The following CFAP46 variants were observed in gnomAD, a reference collection of about 807,000 sequenced individuals.
The protein encoded by CFAP46 is cilia and flagella associated protein 46.
A neutral mutation model predicts 325.7 loss-of-function variants in CFAP46; 245 were observed. The observed-to-expected ratio is 0.75, with a 90% CI of 0.68 to 0.84. The LOEUF is 0.84. Ranked by LOEUF, CFAP46 falls within the 40% of genes least tolerant of loss-of-function variation. The probability of loss-of-function intolerance (pLI) is 0.00; values close to 1 mark genes in which losing one functional copy is unlikely to be tolerated. For missense variants in CFAP46, 3,346 were observed against 3,543.0 expected (o/e 0.94, Z 1.41); for synonymous variants, 1,523 against 1,495.9 (o/e 1.02, Z -0.42).
At chr10:132,823,928 CTGATGTGTGCTGTGTGTGCAG>C (rs1265682603) in intron 50 of CFAP46, among the ~76,000 whole-genome samples, 3 of 126,484 alleles carry the variant, frequency 2.4e-5, no homozygotes, top group Admixed American at 8.1e-5. Context: ...TGTGTGTGTG[CTGATGTGTGCTGTGTGTGCAG>C]TGATGTGTGC....
chr10:132,885,057 T>G, intron 27 of CFAP46, 46 bp downstream of exon 27: 2 of 1,512,686 alleles, frequency 1.3e-6, no homozygotes, highest in Non-Finnish European at 1.8e-6. Context: ...TCCCTTTCAC[T>G]AAAGGACAAA....
intron 50 of CFAP46, among the ~76,000 whole-genome samples, chr10:132,822,793 G>GTGTGTGCAGTGATGTGTGCTA (rs1847901175): frequency 7.5e-6 from 1 of 133,182 alleles, no homozygotes; most frequent in Non-Finnish European, 1.6e-5. Flanking sequence ...TGTGTGTGCT[G>GTGTGTGCAGTGATGTGTGCTA]TGTGTGTGCT....
chr10:132,881,178 G>C, intron 27 of CFAP46, 146 bp from the exon 28 acceptor site: 1 of 752,006 alleles, frequency 1.3e-6, no homozygotes, highest in Non-Finnish European at 2.1e-6. Context: ...CCTCTAATGA[G>C]ACCAAGTTGC....
intron 16 of CFAP46, among the ~76,000 whole-genome samples, chr10:132,917,821 T>C (rs1334519235): frequency 6.6e-6 from 1 of 152,138 alleles, no homozygotes; most frequent in Non-Finnish European, 1.5e-5. Flanking sequence ...CAGCAGGTTG[T>C]GTGGATGCAG....
chr10:132,888,038 T>A, intron 25 of CFAP46, among the ~76,000 whole-genome samples: 1 of 112,736 alleles, frequency 8.9e-6, no homozygotes, highest in South Asian at 3.2e-4. Context: ...TCCCCTCTTC[T>A]CTCTCTCCTC....
chr10:132,833,730 T>C (rs1848190218), intron 49 of CFAP46, among the ~76,000 whole-genome samples: 1 of 152,172 alleles, frequency 6.6e-6, no homozygotes, highest in Non-Finnish European at 1.5e-5. Context: ...ACGATTCTTT[T>C]TGTTAGCAAG....
rs1329781947 is a variant in CFAP46 at position 132,832,308 on chromosome 10, C to T, written c.7117+1050G>A. Among the ~76,000 whole-genome samples the T allele has an allele frequency of 2.0e-5, 3 of 151,958 alleles. No homozygotes were observed. Among genetic ancestry groups the T allele is most frequent in the African/African-American group, 4.8e-5 (2 of 41,402 alleles). ...TGCAGCTCTCTCCTTCCAGGTGTCC[C>T]GCCCTGCACGTTGTAGTTGTCAGTT... On this transcript the variant is annotated intron_variant, in intron 50 of 57. Coordinates refer to ENST00000368586, the MANE Select transcript of CFAP46 (RefSeq NM_001200049.3). This position sits in a 1 kb window ranked among gnomAD's most constrained non-coding sequence, Gnocchi z 4.1.
Position 132,810,841 on chromosome 10 carries a change from G to T in CFAP46, c.7583+109C>A, listed in dbSNP as rs761498699. 11 of 1,018,960 alleles carry T rather than the reference G, an allele frequency of 1.1e-5. No individual in the cohort carries two copies. In the South Asian group the frequency reaches 1.3e-4, roughly 12 times the overall value. The allele number at this position is 1,018,960 out of a possible 1,614,324, so 63.1% of individuals were successfully genotyped here. ...CATGTGCACCCTGACAGCTCTCACC[G>T]TTCTTGAAACCCGACCCCAGGTCCC... On this transcript the variant is annotated intron_variant, in intron 56 of 57. Coordinates refer to ENST00000368586, the MANE Select transcript of CFAP46 (RefSeq NM_001200049.3).
At chr10:132,916,756 C>G (rs1849646471) in intron 16 of CFAP46, 74 bp from the exon 17 acceptor site, 1 of 1,399,938 alleles carries the variant, frequency 7.1e-7, no homozygotes, top group Non-Finnish European at 9.3e-7. Flanking sequence ...AACACACACG[C>G]CCTTCCCTCA....
At chr10:132,905,126 T>C (rs1352929195) in intron 22 of CFAP46, among the ~76,000 whole-genome samples, 5 of 150,628 alleles carry the variant, frequency 3.3e-5, no homozygotes, top group Non-Finnish European at 5.9e-5. Flanking sequence ...TTTTGTATTG[T>C]CAAAATCAAT....
rs1006371238 is a variant in CFAP46 at position 132,919,310 on chromosome 10, C to T, written c.1858+5G>A. 27 of 1,548,658 alleles carry T rather than the reference C, an allele frequency of 1.7e-5. No individual in the cohort carries two copies. Among genetic ancestry groups the T allele is most frequent in the African/African-American group, 5.5e-5 (4 of 73,026 alleles). The stretch of plus-strand genomic sequence containing the variant: ...TGGGACACACTCGTGAGGGCGGGTA[C>T]GAACCTCGCCGCAGCCTCAACTTCT... On this transcript the variant is annotated splice_donor_5th_base_variant and intron_variant, in intron 15 of 57. Transcript: ENST00000368586. This position sits in a 1 kb window ranked among gnomAD's most constrained non-coding sequence, Gnocchi z 9.7.
chr10:132,898,779 G>A (rs1207155475), intron 24 of CFAP46, 180 bp downstream of exon 24: 1 of 799,000 alleles, frequency 1.3e-6, no homozygotes, highest in East Asian at 2.7e-5. Flanking sequence ...TCCAGCAGGG[G>A]CCCCCGCAGT....
chr10:132,931,597 TTCC>T (rs1849904528), intron 8 of CFAP46, among the ~76,000 whole-genome samples: 2 of 128,852 alleles, frequency 1.6e-5, no homozygotes, highest in South Asian at 2.7e-4. Context: ...AGCCTGGGCC[TTCC>T]CCATACAGAG....
intron 50 of CFAP46, among the ~76,000 whole-genome samples, chr10:132,830,748 A>G (rs1377780340): frequency 1.3e-5 from 2 of 152,160 alleles, no homozygotes; most frequent in African/African-American, 2.4e-5. Flanking sequence ...ATTTTTCTCA[A>G]AGCACTTGCT....
intron 50 of CFAP46, among the ~76,000 whole-genome samples, chr10:132,825,201 G>C (rs1037389338): frequency 1.1e-4 from 15 of 136,668 alleles, no homozygotes; most frequent in Non-Finnish European, 2.2e-4. Flanking sequence ...TGTGTGCGCT[G>C]TGTGCTGTGT....
chr10:132,926,927 C>T (rs567422297), intron 9 of CFAP46, among the ~76,000 whole-genome samples: 5 of 152,244 alleles, frequency 3.3e-5, no homozygotes, highest in Non-Finnish European at 5.9e-5. Flanking sequence ...TTTCAGGGGC[C>T]TTGTCCCGGC....
chr10:132,820,232 C>A (rs749990479), intron 50 of CFAP46, among the ~76,000 whole-genome samples: 1 of 152,186 alleles, frequency 6.6e-6, no homozygotes, highest in Non-Finnish European at 1.5e-5. Context: ...GAGGACATCA[C>A]GCAAAGTGAA....
At chr10:132,850,991 G>T in intron 40 of CFAP46, 126 bp downstream of exon 40, 1 of 1,093,080 alleles carries the variant, frequency 9.1e-7, no homozygotes, top group Non-Finnish European at 1.3e-6. Context: ...GCTGCAAGAG[G>T]TCCCCAGCTG....
chr10:132,905,616 C>T (rs1849446251), intron 22 of CFAP46, among the ~76,000 whole-genome samples: 1 of 152,182 alleles, frequency 6.6e-6, no homozygotes, highest in Admixed American at 6.5e-5. Context: ...GAATTCCAGG[C>T]TGACAATTAC....
Sources: gnomAD v4.1 joint callset for allele counts (sites outside exome capture counted in the v4.1 genomes callset) on GRCh38, gnomAD v4.1.1 for gene constraint, Gnocchi (gnomAD v3.1) non-coding constraint, MANE v1.5 for transcripts, NCBI Gene and HGNC (gene_info 2026-07-23, HGNC 2026-07-21) for gene names.